Variants in IGFL2 observed in about 807,000 individuals in gnomAD.
IGFL2 encodes the protein IGF like family member 2.
A neutral mutation model predicts 13.9 loss-of-function variants in IGFL2; 7 were observed. The ratio of observed to expected loss-of-function variants is 0.51; its 90% CI spans 0.29 to 0.95. The LOEUF (loss-of-function observed/expected upper bound fraction) is 0.95. Among genes scored for constraint, IGFL2 ranks in the 40% least tolerant of loss-of-function variants. IGFL2 has a pLI of 0.08. For missense variants in IGFL2, 138 were observed against 147.8 expected (o/e 0.93, Z 0.34); for synonymous variants, 55 against 55.8 (o/e 0.99, Z 0.07).
the IGFL2 span, among the ~76,000 whole-genome samples, chr19:46,195,619 G>A: frequency 8.5e-5 from 13 of 152,094 alleles, no homozygotes; most frequent in South Asian, 4.2e-4. Flanking sequence ...TTCTGGACAG[G>A]AGTAAAATCC....
Position 46,159,940 on chromosome 19 carries a change from T to C in IGFL2, c.20-475T>C, listed in dbSNP as rs567034658. ...TCAAGATGGCACCACTGCACTCCAG[T>C]CTGGGTGACAGAGTAAGACCCTGTC... On this transcript the variant is annotated intron_variant, in intron 1 of 3. Transcript: ENST00000377693. The C allele has an allele frequency of 9.8e-4, 178 of 182,526 alleles. 4 individuals are homozygous for C. The Middle Eastern group carries it at 0.013, about 13-fold the overall frequency. 11.3% of individuals were successfully genotyped at this position (182,526 alleles called of 1,614,324 possible). A position where few individuals can be genotyped will look rare whatever the true frequency, so the allele number is the denominator to read the frequency against.
chr19:46,100,088 G>C, the IGFL2 span, among the ~76,000 whole-genome samples: 2 of 152,058 alleles, frequency 1.3e-5, no homozygotes, highest in African/African-American at 4.8e-5. Context: ...GCTTAGCAAA[G>C]TTTATTACCT....
At chr19:46,146,970 G>C (rs1452404960), upstream of IGFL2, among the ~76,000 whole-genome samples, 1 of 152,184 alleles carries the variant, frequency 6.6e-6, no homozygotes, top group African/African-American at 2.4e-5. Context: ...ATGGTATCCA[G>C]TGACACAAAT....
the IGFL2 span, among the ~76,000 whole-genome samples, chr19:46,082,384 G>C: frequency 1.3e-5 from 2 of 152,192 alleles, no homozygotes; most frequent in African/African-American, 4.8e-5. Flanking sequence ...TCTTTAGAGA[G>C]ACTGTAATTC....
chr19:46,134,020 A>G, the IGFL2 span, among the ~76,000 whole-genome samples: 1 of 152,194 alleles, frequency 6.6e-6, no homozygotes, highest in Non-Finnish European at 1.5e-5. Context: ...GGGAATTGAC[A>G]TCAGGGGTAG....
chr19:46,194,283 C>G, the IGFL2 span, among the ~76,000 whole-genome samples: 1 of 152,074 alleles, frequency 6.6e-6, no homozygotes, highest in Middle Eastern at 3.2e-3. Context: ...GTTGACTCCA[C>G]GGTCTGCAAG....
the IGFL2 span, among the ~76,000 whole-genome samples, chr19:46,170,172 T>G: frequency 4.1e-5 from 6 of 147,652 alleles, no homozygotes; most frequent in East Asian, 1.2e-3. Context: ...CGAGAGAGAG[T>G]AAGAATCGGG....
chr19:46,204,457 G>A, the IGFL2 span, among the ~76,000 whole-genome samples: 1 of 152,282 alleles, frequency 6.6e-6, no homozygotes, highest in South Asian at 2.1e-4. Flanking sequence ...ACAGATGTTG[G>A]AGTTTACTGT....
the IGFL2 span, among the ~76,000 whole-genome samples, chr19:46,089,680 ACT>A: frequency 2.2e-5 from 3 of 135,008 alleles, no homozygotes; most frequent in African/African-American, 8.2e-5. Context: ...TGCACTTTGA[ACT>A]CTCTCAGGTC....
At chr19:46,127,099 A>G in the IGFL2 span, among the ~76,000 whole-genome samples, 1 of 152,120 alleles carries the variant, frequency 6.6e-6, no homozygotes, top group African/African-American at 2.4e-5. Context: ...GAAAGCTGCA[A>G]AATAGTCTGG....
the IGFL2 span, among the ~76,000 whole-genome samples, chr19:46,090,809 C>T: frequency 6.6e-6 from 1 of 152,310 alleles, no homozygotes; most frequent in East Asian, 1.9e-4. Context: ...ATCTGGTTCC[C>T]GGGCAGCTCT....
chr19:46,152,488 T>G (rs1034993862), intron 1 of IGFL2, among the ~76,000 whole-genome samples: 1 of 152,118 alleles, frequency 6.6e-6, no homozygotes, highest in Non-Finnish European at 1.5e-5. Context: ...CTCGCTATGT[T>G]GACCAAGCTG....
the IGFL2 span, among the ~76,000 whole-genome samples, chr19:46,171,749 G>T: frequency 6.6e-6 from 1 of 151,872 alleles, no homozygotes; most frequent in Admixed American, 6.6e-5. Flanking sequence ...CTCCCTTCTT[G>T]AACTCCCCAT....
upstream of IGFL2, among the ~76,000 whole-genome samples, chr19:46,146,426 T>G (rs1404879472): frequency 6.6e-6 from 1 of 152,206 alleles, no homozygotes; most frequent in East Asian, 1.9e-4. Context: ...CAAAATTGTG[T>G]TGGCCATTCT....
At chr19:46,182,597 A>AGTAAACT in the IGFL2 span, among the ~76,000 whole-genome samples, 1 of 152,206 alleles carries the variant, frequency 6.6e-6, no homozygotes, top group Non-Finnish European at 1.5e-5. Flanking sequence ...ATGTACATAC[A>AGTAAACT]GTAAACTCCA....
the IGFL2 span, among the ~76,000 whole-genome samples, chr19:46,083,857 C>T: frequency 2.6e-5 from 4 of 152,082 alleles, no homozygotes; most frequent in East Asian, 1.9e-4. Flanking sequence ...CTCTGATCCT[C>T]GGTTGTTTGG....
At chr19:46,159,528 C>G (rs1041524295) in intron 1 of IGFL2, 4 of 152,178 alleles carry the variant, frequency 2.6e-5, no homozygotes, top group African/African-American at 9.7e-5. Flanking sequence ...AACACCCTTC[C>G]TCTTATTTTG....
At chr19:46,141,482 A>T (rs57466588), upstream of IGFL2, among the ~76,000 whole-genome samples, 443 of 152,218 alleles carry the variant, frequency 2.9e-3, 25 homozygotes, top group East Asian at 0.077. Flanking sequence ...CACCATGTCT[A>T]GGATGGAACC....
At chr19:46,093,355 G>C in the IGFL2 span, among the ~76,000 whole-genome samples, 3 of 152,234 alleles carry the variant, frequency 2.0e-5, no homozygotes, top group Non-Finnish European at 4.4e-5. Flanking sequence ...ACATTCATAA[G>C]CAGAATAAAA....
Sources: allele counts gnomAD v4.1 joint callset (sites outside exome capture counted in the v4.1 genomes callset), GRCh38; gene constraint gnomAD v4.1.1; transcripts MANE v1.5; gene names NCBI Gene and HGNC (gene_info 2026-07-23, HGNC 2026-07-21).